Variants in MBD4 observed in about 807,000 individuals in gnomAD.
MBD4 encodes methyl-CpG binding domain 4, DNA glycosylase.
MBD4 carries 53 observed loss-of-function variants against 60.2 expected under a neutral mutation model. The ratio of observed to expected loss-of-function variants is 0.88; its 90% confidence interval spans 0.71 to 1.11. The LOEUF (loss-of-function observed/expected upper bound fraction) is 1.11. Among genes scored for constraint, MBD4 ranks in the 50% least tolerant of loss-of-function variants. The probability of loss-of-function intolerance (pLI) is 0.00; values close to 1 mark genes in which losing one functional copy is unlikely to be tolerated. For synonymous variants in MBD4, 231 were observed against 229.8 expected, an observed-to-expected ratio of 1.01 and a Z score of -0.05; for missense variants, 619 against 674.0, an observed-to-expected ratio of 0.92 and a Z score of 0.90.
In MBD4 at chr3:129,432,614, A is replaced by G; in HGVS notation, c.1544-8T>C. ...GCTTTGTCAGGTATTCATCTGAAGA[A>G]TACAACATCCCACATTATCAGGTCA... On this transcript the variant is annotated splice_polypyrimidine_tract_variant and splice_region_variant and intron_variant, in intron 6 of 7. Coordinates refer to ENST00000429544, the MANE Select transcript of MBD4 (RefSeq NM_001276270.2). 1 of 1,613,904 alleles carries G rather than the reference A, an allele frequency of 6.2e-7. No individual in the cohort carries two copies. Among genetic ancestry groups the G allele is most frequent in the East Asian group, 2.2e-5 (1 of 44,888 alleles).
At chr3:129,437,382 A>T in intron 2 of MBD4, 74 bp from the exon 3 acceptor site, 1 of 1,206,814 alleles carries the variant, frequency 8.3e-7, no homozygotes, top group Non-Finnish European at 1.2e-6. Context: ...ACCACATTTC[A>T]GATTTCTAAT....
rs530309615 is a variant in MBD4, at chr3:129,432,298, C to T, written c.1647+205G>A. 1.4e-5 allele frequency: 21 copies of T among 1,489,578 alleles called. No individual in the cohort carries two copies. The East Asian group carries it at 1.5e-4, about 10-fold the overall frequency. 92.3% of individuals were successfully genotyped at this position (1,489,578 alleles called of 1,614,324 possible). ...ACTGGAGATGAGTCAGAGGCCACGC[C>T]GCTGGACTGGTCTTTGTGGACTTGG... On this transcript the variant is annotated intron_variant, in intron 7 of 7. Coordinates refer to ENST00000429544, the MANE Select transcript of MBD4 (RefSeq NM_001276270.2).
rs777650629 is a variant in MBD4 at position 129,431,559 on chromosome 3, T to C, written c.1667A>G (p.Lys556Arg). Residue 556 changes from lysine (K) to arginine (R), a missense_variant, in exon 8 of 8, where the codon AAA (lysine) becomes AGA (arginine). Transcript: ENST00000429544. ...AAGCCAGTCATGATATTTATTTAAT[T>C]TGTGGTCTTCAGGGTGCACCTGGAA... The part of the protein sequence containing the change: ...EWKQVHPEDH[K>R]LNKYHDWLWE... The C allele has an allele frequency of 1.9e-6, 3 of 1,612,706 alleles. No homozygotes were observed. The African/African-American group carries it at 4.0e-5, about 22-fold the overall frequency.
intron 3 of MBD4, among the ~76,000 whole-genome samples, chr3:129,434,827 G>GA (rs1174653234): frequency 1.3e-5 from 2 of 152,114 alleles, no homozygotes; most frequent in Admixed American, 6.6e-5. Flanking sequence ...AGAATCTGCA[G>GA]AAAAACCTAC....
chr3:129,433,578 T>C (rs2072397968), intron 5 of MBD4: 38 of 581,532 alleles, frequency 6.5e-5, no homozygotes, highest in South Asian at 6.2e-4. Flanking sequence ...TAAACACACA[T>C]GAAAGAGGGT....
intron 1 of MBD4, among the ~76,000 whole-genome samples, chr3:129,439,505 TC>T (rs1200459255): frequency 1.3e-5 from 2 of 151,194 alleles, no homozygotes; most frequent in Admixed American, 6.6e-5. Flanking sequence ...ACCTCCCGGC[TC>T]CCCCCCAGTC....
In MBD4 at chr3:129,431,685, G is replaced by A. The variant is rs539815204; in HGVS notation, c.1648-107C>T. ...TGTTTGCTGGGGGACAGTACATTAC[G>A]ATACCATACCTAAAAGTTATAACCT... On this transcript the variant is annotated intron_variant, in intron 7 of 7. Coordinates refer to ENST00000429544, the MANE Select transcript of MBD4 (RefSeq NM_001276270.2). 45 of 788,518 alleles carry A rather than the reference G, an allele frequency of 5.7e-5. 1 individual carries two copies. The highest frequency in any genetic ancestry group is 8.5e-5 in the Non-Finnish European group (38 of 446,504). 48.8% of individuals were successfully genotyped at this position (788,518 alleles called of 1,614,324 possible). A position where few individuals can be genotyped will look rare whatever the true frequency, so the allele number is the denominator to read the frequency against.
intron 3 of MBD4, among the ~76,000 whole-genome samples, chr3:129,435,190 G>A (rs1001333395): frequency 6.6e-5 from 10 of 151,118 alleles, no homozygotes; most frequent in Non-Finnish European, 1.2e-4. Flanking sequence ...CTGTTTTTTC[G>A]CTATTTTAGT....
At chr3:129,432,118 G>C (rs910642395) in intron 7 of MBD4, 2 of 1,191,564 alleles carry the variant, frequency 1.7e-6, no homozygotes, top group Non-Finnish European at 2.1e-6. Flanking sequence ...AACGTAGTCT[G>C]AGACCACTAA....
Position 129,433,261 on chromosome 3 carries a change from G to A in MBD4, c.1394-14C>T. The A allele has an allele frequency of 6.2e-7, 1 of 1,613,754 alleles. No individual in the cohort carries two copies. On this transcript the variant is annotated splice_polypyrimidine_tract_variant and intron_variant, in intron 5 of 7. Coordinates refer to ENST00000429544, the MANE Select transcript of MBD4 (RefSeq NM_001276270.2). ...TTGCCATTTTGCCTGGGAAGTAAAAGTAACTGAATGATTACAAGACTCCAG... is the reference window on the plus strand; with the variant it reads ...TTGCCATTTTGCCTGGGAAGTAAAAATAACTGAATGATTACAAGACTCCAG...
chr3:129,432,378 C>G, intron 7 of MBD4, 125 bp downstream of exon 7: 1 of 1,577,038 alleles, frequency 6.3e-7, no homozygotes, highest in Non-Finnish European at 8.6e-7. Context: ...TTCCCCGCAG[C>G]CAGGAACACA....
intron 3 of MBD4, among the ~76,000 whole-genome samples, chr3:129,435,483 C>A (rs3138348): frequency 1.3e-4 from 20 of 152,274 alleles, no homozygotes; most frequent in African/African-American, 4.6e-4. Flanking sequence ...TCTACATAAA[C>A]CTCAAAGCTT....
Position 129,431,363 on chromosome 3 carries a change from A to G in MBD4, c.*138T>C. On this transcript the variant is annotated 3_prime_UTR_variant, in exon 8 of 8. Coordinates refer to ENST00000429544, the MANE Select transcript of MBD4 (RefSeq NM_001276270.2). ...GCAAAGATCCACCATTGGCACACACATTAAGAAAGCACACACACTAGGCTT... is the reference window on the plus strand; with the variant it reads ...GCAAAGATCCACCATTGGCACACACGTTAAGAAAGCACACACACTAGGCTT... 1 of 728,736 alleles carries G rather than the reference A, an allele frequency of 1.4e-6. No individual in the cohort carries two copies. Among genetic ancestry groups the G allele is most frequent in the South Asian group, 1.5e-5 (1 of 66,090 alleles). 45.1% of individuals were successfully genotyped at this position (728,736 alleles called of 1,614,324 possible). A position where few individuals can be genotyped will look rare whatever the true frequency, so the allele number is the denominator to read the frequency against.
rs921026106 is a variant in MBD4, at chr3:129,439,056, T to C, written c.104+674A>G. ...TGTATCCTAATCACTAAACCACAGA[T>C]TGTAAAAGGTGGATGGGTCTAGAGA... On this transcript the variant is annotated intron_variant, in intron 1 of 7. Transcript: ENST00000429544. Among the ~76,000 whole-genome samples the C allele has an allele frequency of 3.3e-5, 5 of 152,228 alleles. No individual in the cohort carries two copies. The South Asian group carries it at 6.2e-4, about 19-fold the overall frequency.
chr3:129,432,670 G>C, intron 6 of MBD4, 64 bp from the exon 7 acceptor site: 1 of 1,463,178 alleles, frequency 6.8e-7, no homozygotes, highest in Non-Finnish European at 9.6e-7. Flanking sequence ...AAAATGTGTG[G>C]TGATGGGGCA....
At chr3:129,436,388 G>C (rs1431097568) in intron 3 of MBD4, 73 bp downstream of exon 3, 7 of 1,573,078 alleles carry the variant, frequency 4.4e-6, no homozygotes, top group Non-Finnish European at 6.1e-6. Flanking sequence ...ACAAGATGCA[G>C]CATTATAAAT....
At position 129,431,542 on chromosome 3, in the gene MBD4, CATG is replaced by C. The variant is rs775848563; in HGVS notation, c.1681_1683del (p.His561del). The C allele has an allele frequency of 2.5e-6, 4 of 1,613,288 alleles. No individual in the cohort carries two copies. Among genetic ancestry groups the C allele is most frequent in the South Asian group, 1.1e-5 (1 of 91,054 alleles). ...TTTTCATGATTTTCCCAAAGCCAGT[CATG>C]ATATTTATTTAATTTGTGGTCTTCA... On this transcript the variant is annotated inframe_deletion, in exon 8 of 8. Coordinates refer to ENST00000429544, the MANE Select transcript of MBD4 (RefSeq NM_001276270.2).
intron 3 of MBD4, among the ~76,000 whole-genome samples, chr3:129,435,562 C>T (rs567227896): frequency 3.9e-5 from 6 of 152,250 alleles, no homozygotes; most frequent in Admixed American, 2.6e-4. Context: ...GTATATATGG[C>T]CATCTTGTGT....
Position 129,436,538 on chromosome 3 carries a change from TCTTTC to T in MBD4, c.1101_1105del (p.Lys368ThrfsTer5). ...TTTTAAAATGTCAGTATGCAAATGT[TCTTTC>T]CTTTCCACAACTTCTACTTTTGTTC... On this transcript the variant is annotated frameshift_variant, in exon 3 of 8. Transcript: ENST00000429544. LOFTEE classifies it high-confidence loss of function. 6.2e-7 allele frequency: 1 copy of T among 1,614,206 alleles called. No homozygotes were observed. The highest frequency in any genetic ancestry group is 1.1e-5 in the South Asian group (1 of 91,088).
Sources: allele counts gnomAD v4.1 joint callset (sites outside exome capture counted in the v4.1 genomes callset), GRCh38; gene constraint gnomAD v4.1.1; transcripts MANE v1.5; gene names NCBI Gene and HGNC (gene_info 2026-07-23, HGNC 2026-07-21).